Variants in JADE1 observed in about 807,000 individuals in gnomAD.
The protein encoded by JADE1 is protein Jade-1.
JADE1 carries 14 observed loss-of-function variants against 81.8 expected under a neutral mutation model. The ratio of observed to expected loss-of-function variants is 0.17; its 90% CI spans 0.11 to 0.27. JADE1 has a LOEUF of 0.27. JADE1 is among the 10% of genes least tolerant of loss of function. The pLI is 1.00. For missense variants in JADE1, 690 were observed against 1,047.9 expected, an observed-to-expected ratio of 0.66 and a Z score of 4.71; for synonymous variants, 353 against 391.9, an observed-to-expected ratio of 0.90 and a Z score of 1.17.
intron 1 of JADE1, chr4:128,810,487 T>G (rs1384041093): frequency 7.0e-6 from 1 of 143,216 alleles, no homozygotes; most frequent in African/African-American, 2.6e-5. Flanking sequence ...AAAGCCAAAG[T>G]GCATTAGGCT....
intron 3 of JADE1, among the ~76,000 whole-genome samples, chr4:128,844,875 A>T (rs1034601221): frequency 6.6e-6 from 1 of 152,192 alleles, no homozygotes; most frequent in African/African-American, 2.4e-5. Context: ...AGACTTTATT[A>T]TGGGGAAGTT....
chr4:128,847,510 C>T (rs1264812416), intron 4 of JADE1, among the ~76,000 whole-genome samples: 1 of 152,144 alleles, frequency 6.6e-6, no homozygotes, highest in Non-Finnish European at 1.5e-5. Context: ...AGAGTCTGGA[C>T]CTGTGGAATG....
At chr4:128,813,873 CCTG>C (rs1220234434) in intron 1 of JADE1, among the ~76,000 whole-genome samples, 3 of 152,042 alleles carry the variant, frequency 2.0e-5, no homozygotes, top group East Asian at 3.9e-4. Context: ...TGTTAGGTTT[CCTG>C]CTATTTCCTT....
At position 128,872,801 on chromosome 4, in the gene JADE1, G is replaced by T; in HGVS notation, c.*539G>T. On this transcript the variant is annotated 3_prime_UTR_variant, in exon 11 of 11. Transcript: ENST00000226319. ...AGCTCTGAAGCTTCAGTAACACTAA[G>T]AAATTTATGTGTAAATATAGCAGTC... The T allele has an allele frequency of 2.5e-6, 1 of 406,394 alleles. No homozygotes were observed. The highest frequency in any genetic ancestry group is 1.7e-5 in the South Asian group (1 of 57,844). The allele number at this position is 406,394 out of a possible 1,614,324, so 25.2% of individuals were successfully genotyped here. A position where few individuals can be genotyped will look rare whatever the true frequency, so the allele number is the denominator to read the frequency against.
rs923212244 is a variant in JADE1 at position 128,818,839 on chromosome 4, G to T, written c.-27+8962G>T. ...CTCAAAAACCATACAGAAACAGGCT[G>T]TTGACCCCTGATTGGTTGATTGATT... On this transcript the variant is annotated intron_variant, in intron 1 of 10. Coordinates refer to ENST00000226319, the MANE Select transcript of JADE1 (RefSeq NM_199320.4). Among the ~76,000 whole-genome samples the T allele has an allele frequency of 1.3e-4, 20 of 152,224 alleles. 1 individual carries two copies. Among genetic ancestry groups the T allele is most frequent in the African/African-American group, 3.6e-4 (15 of 41,542 alleles).
At chr4:128,848,955 G>A in intron 4 of JADE1, 25 bp from the exon 5 acceptor site, 1 of 1,610,708 alleles carries the variant, frequency 6.2e-7, no homozygotes, top group Non-Finnish European at 8.5e-7. Flanking sequence ...GGGTAACCTG[G>A]CTGCCTTGTT....
chr4:128,848,885 AG>A lies in JADE1; in HGVS notation c.297-92del, dbSNP rs1324917219. The A allele has an allele frequency of 1.3e-5, 16 of 1,198,112 alleles. No individual in the cohort carries two copies. The African/African-American group carries it at 2.1e-4, about 16-fold the overall frequency. The allele number at this position is 1,198,112 out of a possible 1,614,324, so 74.2% of individuals were successfully genotyped here. ...CCTCTGGTGATGACCTGGGGCTCTA[AG>A]GGTTGGAAGAGGAAGACATTTGGGG... On this transcript the variant is annotated intron_variant, in intron 4 of 10. Coordinates refer to ENST00000226319, the MANE Select transcript of JADE1 (RefSeq NM_199320.4).
intron 6 of JADE1, among the ~76,000 whole-genome samples, 161 bp from the exon 7 acceptor site, chr4:128,855,469 C>G (rs1730713019): frequency 6.6e-6 from 1 of 152,242 alleles, no homozygotes; most frequent in South Asian, 2.1e-4. Context: ...CGGGCATTTT[C>G]CCGAGGGGAG....
intron 1 of JADE1, among the ~76,000 whole-genome samples, chr4:128,827,044 CCCCT>C (rs1196726758): frequency 4.6e-5 from 7 of 152,156 alleles, no homozygotes; most frequent in Non-Finnish European, 8.8e-5. Context: ...TAGCCATAAA[CCCCT>C]TATCCTTGAT....
intron 2 of JADE1, among the ~76,000 whole-genome samples, chr4:128,842,037 C>G (rs1729477005): frequency 6.6e-6 from 1 of 152,122 alleles, no homozygotes; most frequent in Non-Finnish European, 1.5e-5. Context: ...AGGCAGAGAA[C>G]AGAGCCAACT....
rs571059139 is a variant in JADE1, at chr4:128,815,654, C to T, written c.-27+5777C>T. Among the ~76,000 whole-genome samples, 103 of 152,234 alleles carry T rather than the reference C, an allele frequency of 6.8e-4. No individual in the cohort carries two copies. The Middle Eastern group carries it at 0.01, about 15-fold the overall frequency. On this transcript the variant is annotated intron_variant, in intron 1 of 10. Transcript: ENST00000226319. ...CAAGATATCAAATACAGATTACATC[C>T]TGTCTCTTTAGGGTTTGGTCAGAGA...
In JADE1 at chr4:128,871,101, G is replaced by A. The variant is rs1288733788; in HGVS notation, c.1622-254G>A. Among the ~76,000 whole-genome samples, 3 of 152,170 alleles carry A rather than the reference G, an allele frequency of 2.0e-5. No individual in the cohort carries two copies. Among genetic ancestry groups the A allele is most frequent in the African/African-American group, 7.2e-5 (3 of 41,432 alleles). Reference sequence around the variant, plus strand: ...AGTTATTTTGTTTGGAGGAGGTCTAGTTTTATGAAAAATTATGTGAGCTTC... The same window carrying A: ...AGTTATTTTGTTTGGAGGAGGTCTAATTTTATGAAAAATTATGTGAGCTTC... On this transcript the variant is annotated intron_variant, in intron 10 of 10. Coordinates refer to ENST00000226319, the MANE Select transcript of JADE1 (RefSeq NM_199320.4). The surrounding 1 kb of genome is among the most constrained non-coding windows in gnomAD (Gnocchi z 4.1).
intron 1 of JADE1, chr4:128,827,757 C>T: frequency 3.2e-6 from 1 of 309,376 alleles, no homozygotes; most frequent in Non-Finnish European, 4.7e-6. Flanking sequence ...TTTCTAGGTA[C>T]AAGTAGTTGA....
At chr4:128,833,740 T>C (rs1728746436) in intron 2 of JADE1, among the ~76,000 whole-genome samples, 1 of 152,228 alleles carries the variant, frequency 6.6e-6, no homozygotes, top group Non-Finnish European at 1.5e-5. Flanking sequence ...AGAAGACTGC[T>C]TGGTGAATTA....
chr4:128,846,630 A>T lies in JADE1; in HGVS notation c.296+98A>T. On this transcript the variant is annotated intron_variant, in intron 4 of 10. Transcript: ENST00000226319. This position sits in a 1 kb window ranked among gnomAD's most constrained non-coding sequence, Gnocchi z 4.0. ...AGAGACAATTTCTGTGGGAAGAGAC[A>T]GTTTCTGAGTTAGCATTAAAATATC... The T allele has an allele frequency of 7.8e-7, 1 of 1,289,556 alleles. No individual in the cohort carries two copies. The highest frequency in any genetic ancestry group is 1.1e-6 in the Non-Finnish European group (1 of 932,868). 79.9% of individuals were successfully genotyped at this position (1,289,556 alleles called of 1,614,324 possible).
intron 8 of JADE1, among the ~76,000 whole-genome samples, chr4:128,859,284 TTA>T (rs1491023197): frequency 6.7e-6 from 1 of 149,564 alleles, no homozygotes; most frequent in Non-Finnish European, 1.5e-5. Context: ...GTGCATGTGG[TTA>T]TGTGTATGTG....
intron 1 of JADE1, among the ~76,000 whole-genome samples, chr4:128,815,051 T>C (rs1726875110): frequency 7.6e-6 from 1 of 131,922 alleles, no homozygotes; most frequent in Non-Finnish European, 1.6e-5. Flanking sequence ...CTTAAGTAAC[T>C]TTTTTTTTTT....
intron 8 of JADE1, among the ~76,000 whole-genome samples, chr4:128,860,377 T>C (rs1252230546): frequency 6.6e-6 from 1 of 152,216 alleles, no homozygotes; most frequent in Non-Finnish European, 1.5e-5. Context: ...GACCTCATAG[T>C]AATGGAAGAA....
intron 2 of JADE1, among the ~76,000 whole-genome samples, chr4:128,836,608 A>C (rs1468346122): frequency 1.3e-5 from 2 of 152,146 alleles, no homozygotes; most frequent in African/African-American, 2.4e-5. Flanking sequence ...TGTTTCTAAA[A>C]CCTAAAGGAC....
Sources: gnomAD v4.1 joint callset for allele counts (sites outside exome capture counted in the v4.1 genomes callset) on GRCh38, gnomAD v4.1.1 for gene constraint, Gnocchi (gnomAD v3.1) non-coding constraint, MANE v1.5 for transcripts, NCBI Gene and HGNC (gene_info 2026-07-23, HGNC 2026-07-21) for gene names.